The following SP140 variants were observed in gnomAD, a reference collection of about 807,000 sequenced individuals.
SP140 encodes SP140 nuclear body protein.
In SP140, 81 loss-of-function variants were observed where a neutral mutation model predicts 125.0. The observed-to-expected ratio is 0.65, with a 90% confidence interval of 0.54 to 0.78. The LOEUF (loss-of-function observed/expected upper bound fraction) is 0.78. Among genes scored for constraint, SP140 ranks in the 30% least tolerant of loss-of-function variants. The pLI is 0.00. For missense variants in SP140, 858 were observed against 1,037.0 expected (o/e 0.83, Z 2.37); for synonymous variants, 312 against 354.0 (o/e 0.88, Z 1.33).
At chr2:230,232,912 C>T (rs938024223) in intron 1 of SP140, among the ~76,000 whole-genome samples, 1 of 151,840 alleles carries the variant, frequency 6.6e-6, no homozygotes, top group Non-Finnish European at 1.5e-5. Flanking sequence ...GAGAATTTTA[C>T]CTTCTTTCTC....
At chr2:230,290,615 A>C in intron 19 of SP140, 51 bp downstream of exon 19, 2 of 1,408,436 alleles carry the variant, frequency 1.4e-6, no homozygotes, top group Non-Finnish European at 2.0e-6. Flanking sequence ...AAGGCATCAC[A>C]AGTAGTGGGG....
intron 5 of SP140, 132 bp downstream of exon 5, chr2:230,243,943 A>G (rs2049058322): frequency 6.6e-6 from 4 of 603,166 alleles, no homozygotes; most frequent in South Asian, 6.0e-5. Context: ...CTTGGATCCT[A>G]TAATTCTGCT....
rs2149499701 is a variant in SP140 at position 230,294,338 on chromosome 2, A to T, written c.2016+20A>T. 1 of 1,578,328 alleles carries T rather than the reference A, an allele frequency of 6.3e-7. No individual in the cohort carries two copies. Among genetic ancestry groups the T allele is most frequent in the Non-Finnish European group, 8.7e-7 (1 of 1,147,860 alleles). On this transcript the variant is annotated intron_variant, in intron 21 of 26. Transcript: ENST00000392045. Reference sequence around the variant, plus strand: ...AAAAAGGTGATTATTACATAGCTTTATACAGCTTCTTGTCACATAACTGAT... The same window carrying T: ...AAAAAGGTGATTATTACATAGCTTTTTACAGCTTCTTGTCACATAACTGAT...
intron 1 of SP140, among the ~76,000 whole-genome samples, chr2:230,234,373 A>G (rs1235754320): frequency 2.0e-5 from 3 of 152,200 alleles, no homozygotes; most frequent in African/African-American, 7.2e-5. Flanking sequence ...GGGAGGTACA[A>G]TCTTACCTTG....
At chr2:230,311,861 T>C (rs1425620048) in intron 26 of SP140, among the ~76,000 whole-genome samples, 7 of 152,196 alleles carry the variant, frequency 4.6e-5, no homozygotes, top group African/African-American at 1.7e-4. Context: ...GAGAGAGCAA[T>C]TGAATCCTGC....
chr2:230,196,653 T>C, the SP140 span, among the ~76,000 whole-genome samples: 1 of 152,044 alleles, frequency 6.6e-6, no homozygotes, highest in Non-Finnish European at 1.5e-5. Context: ...TAACTCGTCA[T>C]TTAGCATTAG....
upstream of SP140, among the ~76,000 whole-genome samples, chr2:230,225,342 T>G (rs1415439021): frequency 6.6e-6 from 1 of 152,186 alleles, no homozygotes; most frequent in Non-Finnish European, 1.5e-5. Flanking sequence ...ATGCATGCTA[T>G]TTCAGTTCTC....
At chr2:230,205,730 G>T (rs2043708558) in intron 1 of SP140, among the ~76,000 whole-genome samples, 1 of 152,198 alleles carries the variant, frequency 6.6e-6, no homozygotes, top group Non-Finnish European at 1.5e-5. Context: ...GTTAATTTCA[G>T]GCATATTGAG....
chr2:230,208,178 C>A lies in SP140; in HGVS notation c.-323+4899C>A, dbSNP rs2044084475. On this transcript the variant is annotated intron_variant, in intron 1 of 4. Transcript: ENST00000456542. The stretch of plus-strand genomic sequence containing the variant: ...CACATTGCTAGAAGTTCATTGGTGA[C>A]CTTAGGTGATGGTACTTCAGGGAGT... 1.8e-5 allele frequency: 12 copies of A among 668,908 alleles called. No individual in the cohort carries two copies. The South Asian group carries it at 2.0e-4, about 11-fold the overall frequency. The allele number at this position is 668,908 out of a possible 1,614,324, so 41.4% of individuals were successfully genotyped here.
intron 3 of SP140, among the ~76,000 whole-genome samples, chr2:230,216,341 C>T (rs2045172805): frequency 6.6e-6 from 1 of 152,140 alleles, no homozygotes; most frequent in Admixed American, 6.5e-5. Context: ...AGGTAGAAGA[C>T]TCAAAAGAGA....
chr2:230,286,045 G>C (rs976911778), intron 17 of SP140, among the ~76,000 whole-genome samples: 12 of 152,140 alleles, frequency 7.9e-5, no homozygotes, highest in Admixed American at 2.0e-4. Flanking sequence ...TTCTAAAATA[G>C]TTTTCCTCTG....
At chr2:230,210,814 T>C (rs1021729106) in intron 1 of SP140, among the ~76,000 whole-genome samples, 1 of 152,196 alleles carries the variant, frequency 6.6e-6, no homozygotes, top group African/African-American at 2.4e-5. Context: ...TGGCAAGCAG[T>C]CATTAGATCT....
At chr2:230,229,554 G>A (rs975089199) in intron 1 of SP140, among the ~76,000 whole-genome samples, 6 of 125,486 alleles carry the variant, frequency 4.8e-5, no homozygotes, top group East Asian at 2.8e-4. Flanking sequence ...TGCACACTCC[G>A]CCTCCTGGGT....
intron 12 of SP140, among the ~76,000 whole-genome samples, chr2:230,262,716 C>G (rs1384387522): frequency 1.3e-5 from 2 of 152,094 alleles, no homozygotes; most frequent in Admixed American, 6.6e-5. Context: ...GTTTTTGACC[C>G]AATGCTCATT....
At chr2:230,236,549 C>T (rs1402619491) in intron 1 of SP140, among the ~76,000 whole-genome samples, 1 of 152,182 alleles carries the variant, frequency 6.6e-6, no homozygotes, top group Non-Finnish European at 1.5e-5. Context: ...TGGTGCAGCT[C>T]CAGTCTGAAT....
At chr2:230,308,927 G>T (rs1285558800) in intron 22 of SP140, among the ~76,000 whole-genome samples, 1 of 152,170 alleles carries the variant, frequency 6.6e-6, no homozygotes, top group African/African-American at 2.4e-5. Flanking sequence ...GTCACAGACT[G>T]GTTCTTTGTT....
chr2:230,208,199 G>A (rs774878560), intron 1 of SP140: 5 of 623,750 alleles, frequency 8.0e-6, no homozygotes, highest in Non-Finnish European at 1.4e-5. Flanking sequence ...GGTACTTCAG[G>A]GAGTAATAGG....
At chr2:230,220,740 A>G (rs192997146), upstream of SP140, among the ~76,000 whole-genome samples, 52 of 152,328 alleles carry the variant, frequency 3.4e-4, no homozygotes, top group African/African-American at 1.1e-3. Context: ...ACAGTGGCTC[A>G]TGCCTATAAT....
At chr2:230,186,193 C>A in the SP140 span, 14 of 1,584,854 alleles carry the variant, frequency 8.8e-6, no homozygotes, top group African/African-American at 1.8e-4. Flanking sequence ...TTCTCATGTT[C>A]CCAGCCCCTA....
Sources: allele counts gnomAD v4.1 joint callset (sites outside exome capture counted in the v4.1 genomes callset), GRCh38; gene constraint gnomAD v4.1.1; transcripts MANE v1.5; gene names NCBI Gene and HGNC (gene_info 2026-07-23, HGNC 2026-07-21).